HNRNPH3: variants seen among roughly 807,000 people sequenced by gnomAD.
HNRNPH3 encodes heterogeneous nuclear ribonucleoprotein 2H9.
HNRNPH3 carries 7 observed loss-of-function variants against 47.0 expected under a neutral mutation model. The observed-to-expected ratio is 0.15, with a 90% CI of 0.08 to 0.28. The LOEUF (loss-of-function observed/expected upper bound fraction) is 0.28, where lower values mean the gene tolerates loss of function less well. HNRNPH3 is among the 10% of genes least tolerant of loss of function. The probability of loss-of-function intolerance (pLI) is 1.00; values close to 1 mark genes in which losing one functional copy is unlikely to be tolerated. For missense variants in HNRNPH3, 279 were observed against 449.6 expected (o/e 0.62, Z 3.43); for synonymous variants, 120 against 143.2 (o/e 0.84, Z 1.16).
chr10:68,332,279 C>T (rs1361818842), intron 1 of HNRNPH3, 63 bp downstream of exon 1: 2 of 152,146 alleles, frequency 1.3e-5, no homozygotes, highest in East Asian at 1.9e-4. Context: ...GGGAGAAGGA[C>T]GAAAGGCCGG....
intron 1 of HNRNPH3, chr10:68,336,951 A>G (rs2045575379): frequency 6.1e-6 from 2 of 327,188 alleles, no homozygotes; most frequent in Non-Finnish European, 1.1e-5. Context: ...AGTTTTCTTA[A>G]AATTAGGCAA....
Position 68,339,452 on chromosome 10 carries a change from A to G in HNRNPH3, c.536A>G (p.His179Arg). 1 of 1,613,690 alleles carries G rather than the reference A, an allele frequency of 6.2e-7. No individual in the cohort carries two copies. The highest frequency in any genetic ancestry group is 8.5e-7 in the Non-Finnish European group (1 of 1,179,652). Reference protein sequence around the residue: ...RMRDGRGMGGHGYGGAGDASS... With the variant: ...RMRDGRGMGGRGYGGAGDASS... ...TTGTGTTTTCCAGGTATGGGAGGAC[A>G]TGGCTATGGTGGAGCTGGTGATGCA... Residue 179 changes from histidine to arginine, a missense_variant, in exon 6 of 10, where the codon CAT becomes CGT. His to Arg is a conservative substitution (Grantham distance 29). Transcript: ENST00000265866.
chr10:68,340,055 GAC>G (rs2045791135), intron 6 of HNRNPH3, among the ~76,000 whole-genome samples: 1 of 151,546 alleles, frequency 6.6e-6, no homozygotes, highest in Non-Finnish European at 1.5e-5. Flanking sequence ...TCTTTTTTGA[GAC>G]AGAGTCTTGC....
At chr10:68,336,869 A>G (rs762926599) in intron 1 of HNRNPH3, 7 of 190,962 alleles carry the variant, frequency 3.7e-5, no homozygotes, top group Admixed American at 6.0e-5. Flanking sequence ...AAAATTTGAG[A>G]GATAAGGAAA....
chr10:68,335,240 T>C (rs1292880637), intron 1 of HNRNPH3, among the ~76,000 whole-genome samples: 2 of 151,444 alleles, frequency 1.3e-5, no homozygotes, highest in African/African-American at 4.8e-5. Context: ...CTTTTCTTTT[T>C]TTTTTTTTTT....
chr10:68,339,316 A>AC, intron 5 of HNRNPH3, 90 bp downstream of exon 5: 1 of 1,567,878 alleles, frequency 6.4e-7, no homozygotes, highest in Non-Finnish European at 8.7e-7. Flanking sequence ...AAACTTGTAT[A>AC]AAGTTAATTC....
intron 1 of HNRNPH3, among the ~76,000 whole-genome samples, chr10:68,334,900 C>T (rs2045459997): frequency 6.6e-6 from 1 of 152,140 alleles, no homozygotes; most frequent in Admixed American, 6.5e-5. Context: ...ATTGCTTCTT[C>T]CTGTGCCCTT....
Position 68,341,194 on chromosome 10 carries a change from A to C in HNRNPH3, c.660A>C (p.Pro220=), listed in dbSNP as rs776610586. 2 of 1,582,042 alleles carry C rather than the reference A, an allele frequency of 1.3e-6. No homozygotes were observed. The highest frequency in any genetic ancestry group is 2.7e-5 in the African/African-American group (2 of 72,858). ...DIANFFSPLN[P]IRVHIDIGAD... ...TTTAGTTCTTCTCACCACTAAATCC[A>C]ATACGAGTTCATATTGATATTGGAG... The change falls in exon 7 of 10, where the codon CCA becomes CCC. Residue 220 remains proline (P), a synonymous_variant. Coordinates refer to ENST00000265866, the MANE Select transcript of HNRNPH3 (RefSeq NM_012207.3).
At chr10:68,338,816 G>T in intron 4 of HNRNPH3, 129 bp downstream of exon 4, 1 of 686,746 alleles carries the variant, frequency 1.5e-6, no homozygotes, top group Non-Finnish European at 2.3e-6. Context: ...TGAAAATACG[G>T]ATTCCCATGG....
In HNRNPH3 at chr10:68,342,442, A is replaced by C. The variant is rs1310212182; in HGVS notation, c.*388A>C. The stretch of plus-strand genomic sequence containing the variant: ...TGCAAGTCTTAAGCAGACATCTGGA[A>C]TAGAGCTTGACAAATAATTAGTGTA... On this transcript the variant is annotated 3_prime_UTR_variant, in exon 10 of 10. Coordinates refer to ENST00000265866, the MANE Select transcript of HNRNPH3 (RefSeq NM_012207.3). The C allele has an allele frequency of 6.2e-6, 1 of 161,414 alleles. No homozygotes were observed. Among genetic ancestry groups the C allele is most frequent in the Non-Finnish European group, 1.4e-5 (1 of 74,000 alleles). 10.0% of individuals were successfully genotyped at this position (161,414 alleles called of 1,614,324 possible). A position where few individuals can be genotyped will look rare whatever the true frequency, so the allele number is the denominator to read the frequency against.
chr10:68,341,735 T>TTTTTTTC (rs763429371), intron 8 of HNRNPH3, 24 bp from the exon 9 acceptor site: 2 of 1,587,192 alleles, frequency 1.3e-6, no homozygotes, highest in Admixed American at 3.7e-5. Flanking sequence ...GAGTCTCAAT[T>TTTTTTTC]TTTTTTCTTT....
At chr10:68,338,241 A>G in intron 3 of HNRNPH3, 1 of 457,982 alleles carries the variant, frequency 2.2e-6, no homozygotes, top group Non-Finnish European at 3.9e-6. Flanking sequence ...ATAATCACCT[A>G]TTTCCTTTAA....
intron 1 of HNRNPH3, among the ~76,000 whole-genome samples, chr10:68,333,766 A>G (rs1298960031): frequency 6.6e-6 from 1 of 152,196 alleles, no homozygotes; most frequent in Non-Finnish European, 1.5e-5. Context: ...ACTTTATAAG[A>G]ATATTGTTAC....
chr10:68,336,185 A>T (rs2045535861), intron 1 of HNRNPH3, among the ~76,000 whole-genome samples: 1 of 152,110 alleles, frequency 6.6e-6, no homozygotes, highest in African/African-American at 2.4e-5. Flanking sequence ...ACAGGGGAGG[A>T]GGTGGTGAGG....
chr10:68,341,937 G>C (rs774228117), intron 9 of HNRNPH3, 41 bp from the exon 10 acceptor site: 2 of 1,602,512 alleles, frequency 1.2e-6, no homozygotes, highest in Non-Finnish European at 1.7e-6. Flanking sequence ...ATTTTATGCA[G>C]ATATCTCCTG....
intron 1 of HNRNPH3, among the ~76,000 whole-genome samples, chr10:68,332,534 T>A (rs1477374836): frequency 1.3e-5 from 2 of 152,198 alleles, no homozygotes; most frequent in Non-Finnish European, 2.9e-5. Context: ...CACCTCGGCT[T>A]CCCGCCCTTC....
intron 4 of HNRNPH3, 166 bp downstream of exon 4, chr10:68,338,853 A>C: frequency 5.4e-6 from 3 of 556,386 alleles, no homozygotes; most frequent in Non-Finnish European, 9.1e-6. Flanking sequence ...ACTGATGCAC[A>C]TATTGGCACC....
At position 68,341,085 on chromosome 10, in the gene HNRNPH3, G is replaced by A. The variant is rs977819886; in HGVS notation, c.640-89G>A. ...GTCTGACAGGGCAGTGGAAGGGTTTGTTTTAATTGATGAGGAAAAATCAAG... is the reference window on the plus strand; with the variant it reads ...GTCTGACAGGGCAGTGGAAGGGTTTATTTTAATTGATGAGGAAAAATCAAG... On this transcript the variant is annotated intron_variant, in intron 6 of 9. Transcript: ENST00000265866. 5.4e-6 allele frequency: 5 copies of A among 917,838 alleles called. No homozygotes were observed. The African/African-American group carries it at 8.5e-5, about 16-fold the overall frequency. The allele number at this position is 917,838 out of a possible 1,614,324, so 56.9% of individuals were successfully genotyped here.
intron 6 of HNRNPH3, 119 bp downstream of exon 6, chr10:68,339,674 A>T (rs987867844): frequency 1.5e-6 from 1 of 651,284 alleles, no homozygotes; most frequent in Non-Finnish European, 2.7e-6. Context: ...ATATAAAAAT[A>T]GATCTACCTT....
Sources: gnomAD v4.1 joint callset for allele counts (sites outside exome capture counted in the v4.1 genomes callset) on GRCh38, gnomAD v4.1.1 for gene constraint, MANE v1.5 for transcripts, NCBI Gene and HGNC (gene_info 2026-07-23, HGNC 2026-07-21) for gene names.